TRIM71: variants seen among roughly 807,000 people sequenced by gnomAD.
TRIM71 encodes E3 ubiquitin-protein ligase TRIM71.
Under a neutral mutation model 61.2 loss-of-function variants are expected in TRIM71, and 9 were observed. The observed-to-expected ratio is 0.15, with a 90% CI of 0.09 to 0.26. The LOEUF (loss-of-function observed/expected upper bound fraction) is 0.26, where lower values mean the gene tolerates loss of function less well. Among genes scored for constraint, TRIM71 ranks in the 10% least tolerant of loss-of-function variants. The probability of loss-of-function intolerance (pLI) is 1.00; values close to 1 mark genes in which losing one functional copy is unlikely to be tolerated. For missense variants in TRIM71, 998 were observed against 1,238.7 expected, an observed-to-expected ratio of 0.81 and a Z score of 2.92; for synonymous variants, 645 against 553.2, an observed-to-expected ratio of 1.17 and a Z score of -2.33.
chr3:32,855,990 T>TTTTA (rs36138060), intron 1 of TRIM71, among the ~76,000 whole-genome samples: 32,451 of 151,048 alleles, frequency 0.21, 4,801 homozygotes, highest in East Asian at 0.71. Context: ...TCTCTAATAG[T>TTTTA]TTTATTTATT....
chr3:32,831,536 C>CTCT (rs1696270675), intron 1 of TRIM71, among the ~76,000 whole-genome samples: 1 of 96,700 alleles, frequency 1.0e-5, no homozygotes, highest in Non-Finnish European at 2.1e-5. Flanking sequence ...GCTTATCTTC[C>CTCT]TTTTTTTTTT....
chr3:32,839,861 C>T lies in TRIM71; in HGVS notation c.852+20929C>T, dbSNP rs190095706. ...GGGTAGAAGAGCCACTTGCAGTGGT[C>T]CCAGAAGAAAGACCTGAGTGCTTTT... On this transcript the variant is annotated intron_variant, in intron 1 of 3. Transcript: ENST00000383763. 4.3e-3 allele frequency among the ~76,000 whole-genome samples: 656 copies of T among 152,084 alleles called. 3 individuals carry two copies. The highest frequency in any genetic ancestry group is 0.01 in the Middle Eastern group (3 of 294).
intron 2 of TRIM71, among the ~76,000 whole-genome samples, chr3:32,880,666 T>A (rs1696899156): frequency 6.6e-6 from 1 of 152,192 alleles, no homozygotes; most frequent in Non-Finnish European, 1.5e-5. Context: ...ACCTCATCAC[T>A]GTTGTAGGGC....
At chr3:32,822,634 C>T (rs191471138) in intron 1 of TRIM71, among the ~76,000 whole-genome samples, 286 of 150,952 alleles carry the variant, frequency 1.9e-3, no homozygotes, top group African/African-American at 6.7e-3. Context: ...TCTGCATATA[C>T]TCAGTGTATG....
intron 1 of TRIM71, among the ~76,000 whole-genome samples, chr3:32,835,779 T>C (rs1223616128): frequency 6.6e-6 from 1 of 152,082 alleles, no homozygotes; most frequent in African/African-American, 2.4e-5. Flanking sequence ...AAGTAATATA[T>C]AAACCTATTT....
Position 32,891,874 on chromosome 3 carries a change from TTCTC to T in TRIM71, c.*65_*68del. The T allele has an allele frequency of 7.3e-7, 1 of 1,363,408 alleles. No homozygotes were observed. Among genetic ancestry groups the T allele is most frequent in the Non-Finnish European group, 9.8e-7 (1 of 1,022,734 alleles). The allele number at this position is 1,363,408 out of a possible 1,614,324, so 84.5% of individuals were successfully genotyped here. On this transcript the variant is annotated 3_prime_UTR_variant, in exon 4 of 4. Coordinates refer to ENST00000383763, the MANE Select transcript of TRIM71 (RefSeq NM_001039111.3). The surrounding 1 kb of genome is among the most constrained non-coding windows in gnomAD (Gnocchi z 8.2). ...CGTGTCTCTCTCTCTCTCTCTCTCT[TTCTC>T]TTTCTCTCTCTTTTTGAATTTCAAA...
At chr3:32,862,875 AG>A (rs1402218031) in intron 1 of TRIM71, among the ~76,000 whole-genome samples, 2 of 152,176 alleles carry the variant, frequency 1.3e-5, no homozygotes, top group Admixed American at 1.3e-4. Flanking sequence ...ATCGGGACTC[AG>A]GGTTCTAATT....
chr3:32,838,743 T>C (rs182446148), intron 1 of TRIM71, among the ~76,000 whole-genome samples: 1 of 152,090 alleles, frequency 6.6e-6, no homozygotes, highest in Non-Finnish European at 1.5e-5. Context: ...TGTGACAGAT[T>C]GGTGGTTTCC....
At chr3:32,889,886 ATGTG>A (rs531388047) in intron 3 of TRIM71, among the ~76,000 whole-genome samples, 1 of 144,770 alleles carries the variant, frequency 6.9e-6, no homozygotes, top group Non-Finnish European at 1.5e-5. Context: ...GCGTGCGTGT[ATGTG>A]TGTGTGTGTG....
chr3:32,820,689 C>T (rs1247322223), intron 1 of TRIM71, among the ~76,000 whole-genome samples: 3 of 152,172 alleles, frequency 2.0e-5, no homozygotes, highest in Non-Finnish European at 2.9e-5. Flanking sequence ...TGGGCTGAAA[C>T]AGTAGATGCT....
intron 1 of TRIM71, among the ~76,000 whole-genome samples, chr3:32,830,811 G>T (rs572675257): frequency 1.3e-5 from 2 of 152,182 alleles, no homozygotes; most frequent in Admixed American, 1.3e-4. Context: ...CAAATGTTGA[G>T]GGTTTTTTTT....
chr3:32,851,776 G>T (rs1309068131), intron 1 of TRIM71, among the ~76,000 whole-genome samples: 1 of 152,174 alleles, frequency 6.6e-6, no homozygotes, highest in Non-Finnish European at 1.5e-5. Flanking sequence ...ACCACGCCCT[G>T]CCTGAACTGG....
At position 32,891,771 on chromosome 3, in the gene TRIM71, T is replaced by C. The variant is rs1437878457; in HGVS notation, c.2567T>C (p.Val856Ala). 2 of 1,613,984 alleles carry C rather than the reference T, an allele frequency of 1.2e-6. No homozygotes were observed. Among genetic ancestry groups the C allele is most frequent in the Non-Finnish European group, 1.7e-6 (2 of 1,180,042 alleles). The change falls in exon 4 of 4, where the codon GTT (valine) becomes GCT (alanine). Residue 856 changes from valine to alanine, a missense_variant. Val to Ala is a moderately conservative substitution (Grantham distance 64, BLOSUM62 0). This residue lies in a region of TRIM71 where 95 missense variants were observed against 159.0 expected (regional missense o/e 0.60). Transcript: ENST00000383763. The surrounding 1 kb of genome is among the most constrained non-coding windows in gnomAD (Gnocchi z 8.2). Reference protein sequence around the residue: ...GIAITPDGMIVVVDFGNNRIL... With the variant: ...GIAITPDGMIAVVDFGNNRIL... ...GCCATCACCCCCGACGGAATGATCG[T>C]TGTGGTGGACTTTGGCAACAATCGA...
rs368762602 is a variant in TRIM71, at chr3:32,885,942, C to G, written c.1029C>G (p.Ile343Met). 1.2e-6 allele frequency: 2 copies of G among 1,611,432 alleles called. No homozygotes were observed. The highest frequency in any genetic ancestry group is 1.7e-6 in the Non-Finnish European group (2 of 1,179,284). The part of the protein sequence containing the change: ...QQGRQAIQLS[I>M]EQAQTVAEQV... ...TCTTTTTGGTTTTCCAGCTGAGCAT[C>G]GAGCAGGCCCAGACGGTGGCGGAAC... Residue 343 changes from isoleucine (I) to methionine (M), a missense_variant, in exon 3 of 4, where the codon ATC (isoleucine) becomes ATG (methionine). Physicochemically the swap from Ile to Met is conservative, Grantham distance 10. Coordinates refer to ENST00000383763, the MANE Select transcript of TRIM71 (RefSeq NM_001039111.3).
At chr3:32,866,970 C>A (rs1048610619) in intron 1 of TRIM71, among the ~76,000 whole-genome samples, 4 of 152,148 alleles carry the variant, frequency 2.6e-5, no homozygotes, top group Non-Finnish European at 5.9e-5. Flanking sequence ...TAACAGATGA[C>A]ATTTTATGTT....
chr3:32,843,603 G>A (rs756514055), intron 1 of TRIM71, among the ~76,000 whole-genome samples: 9 of 152,074 alleles, frequency 5.9e-5, no homozygotes, highest in Non-Finnish European at 1.2e-4. Context: ...GCTAATCCCC[G>A]TGCCTCCCAT....
At chr3:32,886,782 G>A (rs184760328) in intron 3 of TRIM71, among the ~76,000 whole-genome samples, 67 of 152,296 alleles carry the variant, frequency 4.4e-4, no homozygotes, top group African/African-American at 1.4e-3. Context: ...TATGATGATG[G>A]TGGGGATGGC....
At chr3:32,862,715 G>A (rs11924234) in intron 1 of TRIM71, among the ~76,000 whole-genome samples, 44,090 of 152,118 alleles carry the variant, frequency 0.29, 6,600 homozygotes, top group Admixed American at 0.34. Context: ...AGTGATCTCA[G>A]TGTTGGAACA....
At chr3:32,875,027 G>A (rs1309235084) in intron 2 of TRIM71, among the ~76,000 whole-genome samples, 1 of 152,004 alleles carries the variant, frequency 6.6e-6, no homozygotes, top group Non-Finnish European at 1.5e-5. Flanking sequence ...CACCTTGCTG[G>A]CCAGGTTGGT....
Sources: allele counts gnomAD v4.1 joint callset (sites outside exome capture counted in the v4.1 genomes callset), GRCh38; gene constraint gnomAD v4.1.1; regional missense constraint gnomAD v4.1.1; non-coding constraint Gnocchi (gnomAD v3.1); transcripts MANE v1.5; gene names NCBI Gene and HGNC (gene_info 2026-07-23, HGNC 2026-07-21).